GADL1: variants seen among roughly 807,000 people sequenced by gnomAD.
GADL1 encodes the protein GAD like acidic amino acid decarboxylase 1.
In GADL1, 71 loss-of-function variants were observed where a neutral mutation model predicts 69.5. The ratio of observed to expected loss-of-function variants is 1.02; its 90% CI spans 0.84 to 1.25. The LOEUF is 1.25. Ranked by LOEUF, GADL1 falls within the 50% of genes most tolerant of loss-of-function variation. The pLI is 0.00. For missense variants in GADL1, 737 were observed against 631.8 expected (o/e 1.17, Z -1.79); for synonymous variants, 254 against 214.4 (o/e 1.18, Z -1.62).
chr3:30,880,573 T>G (rs538280664), intron 1 of GADL1, among the ~76,000 whole-genome samples: 1 of 151,980 alleles, frequency 6.6e-6, no homozygotes, highest in East Asian at 1.9e-4. Context: ...CCCAGCCATG[T>G]GGAATTGTGA....
At chr3:30,773,644 C>T (rs1264965981) in intron 14 of GADL1, among the ~76,000 whole-genome samples, 1 of 152,074 alleles carries the variant, frequency 6.6e-6, no homozygotes, top group African/African-American at 2.4e-5. Context: ...CTTGTCTGGA[C>T]ACTACAAATT....
intron 11 of GADL1, among the ~76,000 whole-genome samples, chr3:30,815,759 G>A (rs1239248955): frequency 6.6e-6 from 1 of 152,172 alleles, no homozygotes; most frequent in Non-Finnish European, 1.5e-5. Context: ...CTAAATCAAT[G>A]TTTTCTATTT....
At chr3:30,753,278 T>C (rs1290774736) in intron 14 of GADL1, among the ~76,000 whole-genome samples, 1 of 152,076 alleles carries the variant, frequency 6.6e-6, no homozygotes, top group Non-Finnish European at 1.5e-5. Context: ...TACACAATAG[T>C]ATGTTTTCTG....
At chr3:30,763,461 C>T (rs552253155) in intron 14 of GADL1, among the ~76,000 whole-genome samples, 1 of 139,112 alleles carries the variant, frequency 7.2e-6, no homozygotes, top group African/African-American at 2.8e-5. Context: ...GAGATCATGC[C>T]ACCTCACTCC....
chr3:30,871,249 A>G (rs149315697), intron 1 of GADL1, among the ~76,000 whole-genome samples: 4 of 151,756 alleles, frequency 2.6e-5, no homozygotes, highest in Middle Eastern at 3.4e-3. Flanking sequence ...AAAGCTGTTG[A>G]TGGGATAAGA....
At position 30,757,775 on chromosome 3, in the gene GADL1, C is replaced by T. The variant is rs146732312; in HGVS notation, c.1392+20404G>A. Among the ~76,000 whole-genome samples the T allele has an allele frequency of 7.2e-4, 107 of 147,772 alleles. No individual in the cohort carries two copies. The Middle Eastern group carries it at 0.014, about 19-fold the overall frequency. On this transcript the variant is annotated intron_variant, in intron 14 of 14. Transcript: ENST00000282538. The stretch of plus-strand genomic sequence containing the variant: ...AATGTAGTCCCCTCCCCTGTTTAAA[C>T]AGTTCTAGTCCGTATCTTCTGGATC...
chr3:30,781,813 G>T (rs1696671459), intron 13 of GADL1, among the ~76,000 whole-genome samples: 1 of 152,276 alleles, frequency 6.6e-6, no homozygotes, highest in Non-Finnish European at 1.5e-5. Flanking sequence ...AGCAAGCACT[G>T]GTCAGTTAGT....
chr3:30,820,346 CAT>C (rs1697550789), intron 11 of GADL1, among the ~76,000 whole-genome samples: 1 of 151,894 alleles, frequency 6.6e-6, no homozygotes, highest in Non-Finnish European at 1.5e-5. Flanking sequence ...GTTTACCGAA[CAT>C]ATTTTTGAAA....
rs562045295 is a variant in GADL1 at position 30,802,977 on chromosome 3, G to A, written c.1051-1889C>T. On this transcript the variant is annotated intron_variant, in intron 11 of 14. Transcript: ENST00000282538. ...TTGGGCATGGTGGCATGTGCCTGTGGTTGTGGCGTATGCCTGAAGTGGGAA... is the reference window on the plus strand; with the variant it reads ...TTGGGCATGGTGGCATGTGCCTGTGATTGTGGCGTATGCCTGAAGTGGGAA... 2.6e-5 allele frequency among the ~76,000 whole-genome samples: 4 copies of A among 152,272 alleles called. No individual in the cohort carries two copies. In the East Asian group the frequency reaches 7.7e-4, roughly 29 times the overall value.
chr3:30,829,995 G>C (rs1419871335), intron 11 of GADL1, among the ~76,000 whole-genome samples: 2 of 151,828 alleles, frequency 1.3e-5, no homozygotes, highest in Non-Finnish European at 2.9e-5. Context: ...CAAAGAAGAG[G>C]GTGACAATAA....
intron 14 of GADL1, among the ~76,000 whole-genome samples, chr3:30,777,830 G>C (rs1696570897): frequency 6.6e-6 from 1 of 152,268 alleles, no homozygotes; most frequent in African/African-American, 2.4e-5. Context: ...TTCCAAGTAA[G>C]GTGGTACAAC....
chr3:30,882,999 A>G (rs1575247521), intron 1 of GADL1, among the ~76,000 whole-genome samples: 1 of 151,924 alleles, frequency 6.6e-6, no homozygotes, highest in African/African-American at 2.4e-5. Context: ...TACTTTGCCC[A>G]TTTTTAAGTT....
intron 1 of GADL1, among the ~76,000 whole-genome samples, chr3:30,886,822 G>A (rs1292309249): frequency 6.6e-6 from 1 of 152,220 alleles, no homozygotes; most frequent in Admixed American, 6.5e-5. Flanking sequence ...AAGATAGACA[G>A]TGGACAAAAC....
In GADL1 at chr3:30,753,354, ATG is replaced by A. The variant is rs139850142; in HGVS notation, c.1392+24823_1392+24824del. On this transcript the variant is annotated intron_variant, in intron 14 of 14. Coordinates refer to ENST00000282538, the MANE Select transcript of GADL1 (RefSeq NM_207359.3). ...TGTATTTTGAATTCTAGTTTCAAAT[ATG>A]TCTTTGAAAATATCCATGGCAGGTT... Among the ~76,000 whole-genome samples, 12 of 152,200 alleles carry A rather than the reference ATG, an allele frequency of 7.9e-5. No individual in the cohort carries two copies. In the East Asian group the frequency reaches 1.9e-3, roughly 24 times the overall value.
intron 12 of GADL1, among the ~76,000 whole-genome samples, chr3:30,788,282 A>AC (rs1209419411): frequency 6.6e-6 from 1 of 152,206 alleles, no homozygotes; most frequent in Non-Finnish European, 1.5e-5. Context: ...TGGTTCCAGA[A>AC]CACTACAATA....
chr3:30,834,157 A>G, intron 10 of GADL1, 60 bp downstream of exon 10: 3 of 1,261,632 alleles, frequency 2.4e-6, no homozygotes, highest in Non-Finnish European at 3.4e-6. Flanking sequence ...AATATCACTT[A>G]GTCCAAAGAG....
chr3:30,735,891 A>G (rs1448363606), intron 14 of GADL1, among the ~76,000 whole-genome samples: 2 of 152,182 alleles, frequency 1.3e-5, no homozygotes, highest in Admixed American at 6.5e-5. Flanking sequence ...CAGATTGAAC[A>G]TATTTAAATG....
At chr3:30,863,718 A>AC (rs1698355690) in intron 1 of GADL1, among the ~76,000 whole-genome samples, 1 of 151,878 alleles carries the variant, frequency 6.6e-6, no homozygotes, top group African/African-American at 2.4e-5. Context: ...TACAAAAAAA[A>AC]ACCCTTCTAA....
At chr3:30,796,577 T>TTTG (rs1697036846) in intron 12 of GADL1, among the ~76,000 whole-genome samples, 1 of 152,138 alleles carries the variant, frequency 6.6e-6, no homozygotes, top group Admixed American at 6.6e-5. Flanking sequence ...AGGAGTACTT[T>TTTG]ATCTTTTTGA....
Sources: allele counts gnomAD v4.1 joint callset (sites outside exome capture counted in the v4.1 genomes callset), GRCh38; gene constraint gnomAD v4.1.1; transcripts MANE v1.5; gene names NCBI Gene and HGNC (gene_info 2026-07-23, HGNC 2026-07-21).